Variants in RHOBTB1 observed in about 807,000 individuals in gnomAD.
RHOBTB1 encodes the protein Rho related BTB domain containing 1, also known as rho-related BTB domain-containing protein 1.
In RHOBTB1, 40 loss-of-function variants were observed where a neutral mutation model predicts 71.6. That is an observed-to-expected ratio of 0.56 (90% CI 0.43 to 0.73). The LOEUF is 0.73. RHOBTB1 is among the 30% of genes least tolerant of loss of function. The pLI is 0.00. For missense variants in RHOBTB1, 797 were observed against 894.0 expected (o/e 0.89, Z 1.38); for synonymous variants, 319 against 334.9 (o/e 0.95, Z 0.52).
intron 4 of RHOBTB1, among the ~76,000 whole-genome samples, chr10:60,908,867 G>A (rs937338741): frequency 2.0e-5 from 3 of 152,160 alleles, no homozygotes; most frequent in Non-Finnish European, 4.4e-5. Flanking sequence ...ACAAAGCAAG[G>A]CCCTAAGGAG....
At chr10:60,932,370 A>C (rs1413202090) in intron 2 of RHOBTB1, among the ~76,000 whole-genome samples, 2 of 152,092 alleles carry the variant, frequency 1.3e-5, no homozygotes, top group African/African-American at 4.8e-5. Flanking sequence ...GGTGGTGACC[A>C]GAAGTAGGGC....
At chr10:60,881,178 G>A (rs570200317) in intron 7 of RHOBTB1, among the ~76,000 whole-genome samples, 3 of 152,102 alleles carry the variant, frequency 2.0e-5, no homozygotes, top group African/African-American at 4.8e-5. Flanking sequence ...TGTAAGATGT[G>A]CCTTTTGTCT....
At chr10:60,927,809 G>T (rs1306709733) in intron 2 of RHOBTB1, among the ~76,000 whole-genome samples, 1 of 152,080 alleles carries the variant, frequency 6.6e-6, no homozygotes, top group Non-Finnish European at 1.5e-5. Context: ...GCTGGACAAA[G>T]ATTTCCTGAG....
intron 9 of RHOBTB1, among the ~76,000 whole-genome samples, chr10:60,873,743 C>T (rs978862162): frequency 6.6e-6 from 1 of 152,226 alleles, no homozygotes; most frequent in African/African-American, 2.4e-5. Flanking sequence ...GCTGATTCGA[C>T]TGCATTAGAT....
chr10:60,975,175 G>A (rs1359889190), intron 2 of RHOBTB1, among the ~76,000 whole-genome samples: 1 of 152,002 alleles, frequency 6.6e-6, no homozygotes, highest in African/African-American at 2.4e-5. Flanking sequence ...CAGGTATATG[G>A]GAAGGAGAAT....
At chr10:60,945,723 G>A (rs751805765), upstream of RHOBTB1, among the ~76,000 whole-genome samples, 1 of 152,262 alleles carries the variant, frequency 6.6e-6, no homozygotes, top group African/African-American at 2.4e-5. Flanking sequence ...AGTTATCACC[G>A]GCAACCTCAT....
intron 1 of RHOBTB1, among the ~76,000 whole-genome samples, chr10:60,988,229 C>T (rs1418636380): frequency 2.6e-5 from 4 of 151,984 alleles, no homozygotes; most frequent in East Asian, 1.9e-4. Context: ...CCATCACGCC[C>T]GGCCTGAAAT....
intron 4 of RHOBTB1, among the ~76,000 whole-genome samples, chr10:60,893,376 A>G (rs1027559465): frequency 6.6e-6 from 1 of 152,252 alleles, no homozygotes; most frequent in African/African-American, 2.4e-5. Flanking sequence ...ACCTTTCACC[A>G]GTTTAAAAAA....
intron 1 of RHOBTB1, among the ~76,000 whole-genome samples, chr10:60,991,575 C>T (rs886497966): frequency 7.2e-5 from 11 of 151,958 alleles, no homozygotes; most frequent in East Asian, 1.9e-4. Context: ...GGATTACAAG[C>T]GCATGCCACC....
chr10:60,945,946 G>A (rs1416073069), upstream of RHOBTB1, among the ~76,000 whole-genome samples: 2 of 152,164 alleles, frequency 1.3e-5, no homozygotes, highest in East Asian at 1.9e-4. Context: ...TTGGGAGGCC[G>A]AGGCGCGCGG....
chr10:60,884,989 G>A (rs1260508766), intron 7 of RHOBTB1, among the ~76,000 whole-genome samples: 1 of 151,870 alleles, frequency 6.6e-6, no homozygotes, highest in Non-Finnish European at 1.5e-5. Context: ...CACAATCATA[G>A]CTCACTGTAG....
downstream of RHOBTB1, among the ~76,000 whole-genome samples, chr10:60,867,577 T>C (rs1326308155): frequency 1.3e-5 from 2 of 152,240 alleles, no homozygotes; most frequent in Non-Finnish European, 2.9e-5. Flanking sequence ...AACTGCATGA[T>C]CGCTTGGTTT....
chr10:60,939,609 G>GA, intron 2 of RHOBTB1, among the ~76,000 whole-genome samples: 1 of 152,100 alleles, frequency 6.6e-6, no homozygotes, highest in East Asian at 1.9e-4. Context: ...ATGTTGGTGG[G>GA]AAGCCTGGCA....
At chr10:60,931,181 G>GTGCTACACA (rs2084228937) in intron 2 of RHOBTB1, among the ~76,000 whole-genome samples, 3 of 152,074 alleles carry the variant, frequency 2.0e-5, no homozygotes, top group Non-Finnish European at 4.4e-5. Context: ...AAAAATGTGA[G>GTGCTACACA]ATAAAATCCA....
At chr10:60,874,784 T>A (rs2080963247) in intron 9 of RHOBTB1, among the ~76,000 whole-genome samples, 170 bp downstream of exon 9, 1 of 152,184 alleles carries the variant, frequency 6.6e-6, no homozygotes, top group Non-Finnish European at 1.5e-5. Context: ...CCCAGCAGGC[T>A]GAATGGTACA....
At chr10:60,957,291 A>G (rs1441553002) in intron 2 of RHOBTB1, among the ~76,000 whole-genome samples, 6 of 152,220 alleles carry the variant, frequency 3.9e-5, no homozygotes, top group East Asian at 1.9e-4. Flanking sequence ...AATATGTTCT[A>G]TACTTTTATA....
intron 1 of RHOBTB1, among the ~76,000 whole-genome samples, chr10:60,995,853 A>T (rs943032037): frequency 6.6e-6 from 1 of 152,214 alleles, no homozygotes; most frequent in African/African-American, 2.4e-5. Flanking sequence ...AGATAAAAAA[A>T]AAAATCAGGT....
At chr10:60,900,903 C>A (rs981374605) in intron 4 of RHOBTB1, among the ~76,000 whole-genome samples, 1 of 152,120 alleles carries the variant, frequency 6.6e-6, no homozygotes, top group Non-Finnish European at 1.5e-5. Flanking sequence ...TCTAAAAAAT[C>A]TCTTTACCCC....
At chr10:60,954,948 A>G (rs2085533820) in intron 2 of RHOBTB1, among the ~76,000 whole-genome samples, 1 of 151,890 alleles carries the variant, frequency 6.6e-6, no homozygotes, top group East Asian at 1.9e-4. Flanking sequence ...GGGCATTTAT[A>G]TGTGAAAGTA....
Sources: gnomAD v4.1 joint callset for allele counts (sites outside exome capture counted in the v4.1 genomes callset) on GRCh38, gnomAD v4.1.1 for gene constraint, MANE v1.5 for transcripts, NCBI Gene and HGNC (gene_info 2026-07-23, HGNC 2026-07-21) for gene names.